GEMIN5: variants seen among roughly 807,000 people sequenced by gnomAD.
GEMIN5 encodes the protein gem nuclear organelle associated protein 5.
In GEMIN5, 124 loss-of-function variants were observed where a neutral mutation model predicts 176.9. The ratio of observed to expected loss-of-function variants is 0.70; its 90% CI spans 0.61 to 0.81. The LOEUF is 0.81. Among genes scored for constraint, GEMIN5 ranks in the 40% least tolerant of loss-of-function variants. The pLI is 0.00. For missense variants in GEMIN5, 1,843 were observed against 1,814.6 expected, an observed-to-expected ratio of 1.02 and a Z score of -0.28; for synonymous variants, 673 against 665.2, an observed-to-expected ratio of 1.01 and a Z score of -0.18.
Position 154,888,344 on chromosome 5 carries a change from G to A in GEMIN5, c.4393C>T (p.Leu1465Phe), listed in dbSNP as rs757584489. 69 of 1,614,132 alleles carry A rather than the reference G, an allele frequency of 4.3e-5. 3 individuals carry two copies. In the South Asian group the frequency reaches 7.6e-4, roughly 18 times the overall value. Residue 1465 changes from leucine (L) to phenylalanine (F), a missense_variant, in exon 28 of 28, where the codon CTC becomes TTC. Transcript: ENST00000285873. ...TGGGACCTGATGAGAAGCAGGACGA[G>A]GCAGCACTCCAGCACATCTGGGAAG... ...WPFPDVLECC[L>F]VLLLIRSHFP...
At chr5:154,919,230 C>A (rs1763872050) in intron 11 of GEMIN5, among the ~76,000 whole-genome samples, 1 of 151,894 alleles carries the variant, frequency 6.6e-6, no homozygotes, top group Non-Finnish European at 1.5e-5. Context: ...ACTTGGGAGG[C>A]TGAGGCAGGA....
chr5:154,895,580 TAA>T (rs1199598345), intron 24 of GEMIN5, among the ~76,000 whole-genome samples: 1 of 152,194 alleles, frequency 6.6e-6, no homozygotes, highest in African/African-American at 2.4e-5. Flanking sequence ...TTTTATTTTA[TAA>T]AGTCCTCAAA....
At chr5:154,919,294 T>C (rs547610124) in intron 11 of GEMIN5, among the ~76,000 whole-genome samples, 72 of 151,522 alleles carry the variant, frequency 4.8e-4, no homozygotes, top group African/African-American at 1.7e-3. Context: ...ATCACGCCAC[T>C]GCACTCCAGC....
intron 21 of GEMIN5, among the ~76,000 whole-genome samples, chr5:154,900,439 C>T (rs1763439586): frequency 6.6e-6 from 1 of 152,148 alleles, no homozygotes; most frequent in Non-Finnish European, 1.5e-5. Context: ...AACTAAAAAA[C>T]TGGACAAAAT....
intron 27 of GEMIN5, among the ~76,000 whole-genome samples, 148 bp downstream of exon 27, chr5:154,889,163 ACCACGCCCAG>A (rs539676879): frequency 0.028 from 4,208 of 152,300 alleles, 92 homozygotes; most frequent in Non-Finnish European, 0.043. Context: ...GGCGTGAGCC[ACCACGCCCAG>A]CCTGGATTCT....
At chr5:154,937,840 G>A (rs1279766350) in intron 1 of GEMIN5, 128 bp downstream of exon 1, 4 of 782,010 alleles carry the variant, frequency 5.1e-6, no homozygotes, top group Non-Finnish European at 7.6e-6. Flanking sequence ...AGTGACTGTG[G>A]GCTGCCTCTC....
intron 13 of GEMIN5, 148 bp downstream of exon 13, chr5:154,916,850 G>T: frequency 2.2e-6 from 1 of 446,234 alleles, no homozygotes. Context: ...AAAATAAGAT[G>T]AATCTATCAC....
In GEMIN5 at chr5:154,938,052, A is replaced by T; in HGVS notation, c.82T>A (p.Phe28Ile). Reference sequence around the variant, plus strand: ...ACGGAGGTCCGCGCGGCGAAGCCAAAGAGGCCCCCGGGCACGGCATCGCTG... The same window carrying T: ...ACGGAGGTCCGCGCGGCGAAGCCAATGAGGCCCCCGGGCACGGCATCGCTG... The part of the protein sequence containing the change: ...RCSDAVPGGL[F>I]GFAARTSVFL... The change falls in exon 1 of 28, where the codon TTT becomes ATT. Residue 28 changes from phenylalanine (F) to isoleucine (I), a missense_variant. Physicochemically the swap from Phe to Ile is conservative, Grantham distance 21. Coordinates refer to ENST00000285873, the MANE Select transcript of GEMIN5 (RefSeq NM_015465.5). The T allele has an allele frequency of 6.5e-7, 1 of 1,542,776 alleles. No homozygotes were observed. Among genetic ancestry groups the T allele is most frequent in the Middle Eastern group, 2.0e-4 (1 of 4,966 alleles).
intron 16 of GEMIN5, among the ~76,000 whole-genome samples, chr5:154,906,783 C>T (rs1763577305): frequency 6.6e-6 from 1 of 152,180 alleles, no homozygotes; most frequent in South Asian, 2.1e-4. Flanking sequence ...ACAGCTATCC[C>T]TTGGGATGGA....
chr5:154,909,033 C>A (rs1389731634), intron 15 of GEMIN5, among the ~76,000 whole-genome samples: 1 of 151,972 alleles, frequency 6.6e-6, no homozygotes, highest in Non-Finnish European at 1.5e-5. Context: ...CCGTTCACGG[C>A]AGCCTTACTT....
chr5:154,902,574 T>G lies in GEMIN5; in HGVS notation c.2831A>C (p.Glu944Ala). The G allele has an allele frequency of 6.2e-7, 1 of 1,614,110 alleles. No homozygotes were observed. The highest frequency in any genetic ancestry group is 8.5e-7 in the Non-Finnish European group (1 of 1,179,946). The change falls in exon 20 of 28, where the codon GAG becomes GCG. Residue 944 changes from glutamate (E) to alanine (A), a missense_variant. By Grantham distance (107) the Glu-to-Ala change is moderately radical (BLOSUM62 -1). Coordinates refer to ENST00000285873, the MANE Select transcript of GEMIN5 (RefSeq NM_015465.5). ...CATAGCCACAAGGTTGTCTGTCAGC[T>G]CCCCTCTTTCTGCTGCAGTCTGGAG... The part of the protein sequence containing the change: ...GVLQTAAERG[E>A]LTDNLVAMAP...
At chr5:154,889,267 CA>C (rs878857535) in intron 27 of GEMIN5, 53 bp downstream of exon 27, 2 of 891,424 alleles carry the variant, frequency 2.2e-6, no homozygotes, top group South Asian at 2.7e-5. Context: ...GTGGTATAGT[CA>C]AGTGATAACA....
rs749935126 is a variant in GEMIN5 at position 154,927,467 on chromosome 5, T to G, written c.998A>C (p.His333Pro). The change falls in exon 7 of 28, where the codon CAT (histidine) becomes CCT (proline). Residue 333 changes from histidine to proline, a missense_variant. His to Pro is a moderately conservative substitution (Grantham distance 77). Coordinates refer to ENST00000285873, the MANE Select transcript of GEMIN5 (RefSeq NM_015465.5). ...LFSASSEGQN[H>P]SRIVFNLCPL... ...ACATAAATTAAACACAATTCTTGAA[T>G]GATTTTGCCCTTCTGATGAGGCACT... The G allele has an allele frequency of 1.9e-6, 3 of 1,606,026 alleles. No individual in the cohort carries two copies. The highest frequency in any genetic ancestry group is 2.6e-6 in the Non-Finnish European group (3 of 1,172,514).
At chr5:154,935,589 C>T (rs1025445095) in intron 3 of GEMIN5, among the ~76,000 whole-genome samples, 1 of 151,980 alleles carries the variant, frequency 6.6e-6, no homozygotes, top group African/African-American at 2.4e-5. Flanking sequence ...ATTTCCTACA[C>T]GTAAAGGTTG....
intron 23 of GEMIN5, among the ~76,000 whole-genome samples, chr5:154,897,251 G>C (rs1331385636): frequency 6.6e-6 from 1 of 152,092 alleles, no homozygotes; most frequent in African/African-American, 2.4e-5. Context: ...TAAATATTCA[G>C]CTAAAAACCA....
chr5:154,933,839 CCT>C (rs140400209), intron 3 of GEMIN5, among the ~76,000 whole-genome samples: 17,811 of 152,058 alleles, frequency 0.12, 1,243 homozygotes, highest in African/African-American at 0.19. Context: ...AAGATCCTCC[CCT>C]GACTCCTGCC....
rs1296736313 is a variant in GEMIN5, at chr5:154,904,606, C to T, written c.2533G>A (p.Ala845Thr). The change falls in exon 18 of 28, where the codon GCT becomes ACT. Residue 845 changes from alanine (A) to threonine (T), a missense_variant. Transcript: ENST00000285873. ...GTACTCAGGGGAAGCAAGGAACGAG[C>T]TTTTCTCTTCTTGATTAAGGTTTCT... ...KPETLIKKRK[A>T]RSLLPLSTSL... The T allele has an allele frequency of 1.9e-6, 3 of 1,611,320 alleles. No individual in the cohort carries two copies. The highest frequency in any genetic ancestry group is 1.3e-5 in the African/African-American group (1 of 74,848).
intron 15 of GEMIN5, among the ~76,000 whole-genome samples, chr5:154,910,436 C>G (rs1167194342): frequency 6.6e-6 from 1 of 152,128 alleles, no homozygotes; most frequent in East Asian, 1.9e-4. Flanking sequence ...TAGGAGTGAG[C>G]CAGCATGCTT....
intron 26 of GEMIN5, among the ~76,000 whole-genome samples, chr5:154,890,064 GCAT>G (rs1763191680): frequency 6.6e-6 from 1 of 152,226 alleles, no homozygotes; most frequent in Non-Finnish European, 1.5e-5. Context: ...CACAGTGGCT[GCAT>G]CATTTTACAT....
Sources: allele counts gnomAD v4.1 joint callset (sites outside exome capture counted in the v4.1 genomes callset), GRCh38; gene constraint gnomAD v4.1.1; transcripts MANE v1.5; gene names NCBI Gene and HGNC (gene_info 2026-07-23, HGNC 2026-07-21).